The following VPS36 variants were observed in gnomAD, a reference collection of about 807,000 sequenced individuals.
VPS36 encodes the protein vacuolar protein-sorting-associated protein 36.
A neutral mutation model predicts 63.5 loss-of-function variants in VPS36; 31 were observed. That is an observed-to-expected ratio of 0.49 (90% CI 0.37 to 0.66). VPS36 has a LOEUF of 0.66. VPS36 is among the 30% of genes least tolerant of loss of function. The pLI is 0.00. For synonymous variants in VPS36, 138 were observed against 157.2 expected (o/e 0.88, Z 0.91); for missense variants, 338 against 463.7 (o/e 0.73, Z 2.49).
At chr13:52,437,959 G>C (rs1278768861) in intron 3 of VPS36, among the ~76,000 whole-genome samples, 2 of 151,646 alleles carry the variant, frequency 1.3e-5, no homozygotes, top group African/African-American at 2.4e-5. Flanking sequence ...AATAAAAAAA[G>C]CATCTTCAGA....
At chr13:52,431,517 C>T (rs892461090) in intron 6 of VPS36, among the ~76,000 whole-genome samples, 3 of 152,014 alleles carry the variant, frequency 2.0e-5, no homozygotes, top group Non-Finnish European at 1.5e-5. Flanking sequence ...GTAATCCTAG[C>T]ACTTTGGGAG....
At chr13:52,433,614 T>C (rs767330891) in intron 6 of VPS36, 48 bp downstream of exon 6, 6 of 1,435,108 alleles carry the variant, frequency 4.2e-6, no homozygotes, top group African/African-American at 2.8e-5. Flanking sequence ...TCTAAAAGAA[T>C]AGACACAAAT....
Position 52,415,019 on chromosome 13 carries a change from C to A in VPS36, c.*811G>T, listed in dbSNP as rs1171237510. 3 of 152,180 alleles carry A rather than the reference C, an allele frequency of 2.0e-5. No individual in the cohort carries two copies. The highest frequency in any genetic ancestry group is 2.9e-5 in the Non-Finnish European group (2 of 68,030). The allele number at this position is 152,180 out of a possible 1,614,324, so 9.4% of individuals were successfully genotyped here. On this transcript the variant is annotated 3_prime_UTR_variant, in exon 14 of 14. Transcript: ENST00000378060. ...AAAGGAGATATTACTTTTCCACTTT[C>A]TATTTCCTGTCTGTGGCTTTGAGGT...
intron 12 of VPS36, 49 bp downstream of exon 12, chr13:52,417,008 G>C (rs183312115): frequency 6.7e-7 from 1 of 1,499,690 alleles, no homozygotes; most frequent in African/African-American, 1.4e-5. Context: ...CTAAGCCTTC[G>C]GGTCTTCATA....
chr13:52,418,837 T>C (rs1307357252), intron 10 of VPS36, among the ~76,000 whole-genome samples: 3 of 152,222 alleles, frequency 2.0e-5, no homozygotes, highest in African/African-American at 7.2e-5. Context: ...TTGTGGACAG[T>C]GCAGCCTTAA....
chr13:52,438,653 C>T (rs1958243146), intron 3 of VPS36, among the ~76,000 whole-genome samples: 1 of 152,182 alleles, frequency 6.6e-6, no homozygotes, highest in African/African-American at 2.4e-5. Context: ...GGGATAGTCC[C>T]ATTGTATCCC....
At chr13:52,424,669 G>T (rs1239526695) in intron 9 of VPS36, among the ~76,000 whole-genome samples, 8 of 152,084 alleles carry the variant, frequency 5.3e-5, no homozygotes, top group African/African-American at 1.7e-4. Flanking sequence ...AATCCTGATT[G>T]AAACAGACCA....
At chr13:52,444,122 T>G (rs1419858422) in intron 1 of VPS36, among the ~76,000 whole-genome samples, 1 of 152,206 alleles carries the variant, frequency 6.6e-6, no homozygotes, top group Non-Finnish European at 1.5e-5. Context: ...AGTGTCCAGT[T>G]TATTAAAATA....
chr13:52,434,001 G>A (rs1958186828), intron 5 of VPS36, among the ~76,000 whole-genome samples: 1 of 152,166 alleles, frequency 6.6e-6, no homozygotes, highest in Non-Finnish European at 1.5e-5. Flanking sequence ...TTAGAGATAA[G>A]TTAAATTTCC....
At chr13:52,419,121 T>C (rs1316186190) in intron 10 of VPS36, among the ~76,000 whole-genome samples, 1 of 152,218 alleles carries the variant, frequency 6.6e-6, no homozygotes, top group Admixed American at 6.5e-5. Context: ...GCAGCTATGA[T>C]CAGCATTCAG....
chr13:52,445,419 C>G, intron 1 of VPS36, among the ~76,000 whole-genome samples: 1 of 151,786 alleles, frequency 6.6e-6, no homozygotes, highest in Non-Finnish European at 1.5e-5. Context: ...GAAGGCGGAT[C>G]ACGAGGTCAG....
At chr13:52,442,693 T>C (rs543425722) in intron 1 of VPS36, among the ~76,000 whole-genome samples, 21 of 152,284 alleles carry the variant, frequency 1.4e-4, no homozygotes, top group African/African-American at 5.1e-4. Context: ...CTGCAATGCA[T>C]GCAAAGGTTA....
Position 52,415,850 on chromosome 13 carries a change from A to C in VPS36, c.1141T>G (p.Leu381Val). Reference sequence around the variant, plus strand: ...AACCCTTAGCTCTGTGTCATAAATAAATTTGGGTAAAAACGCAGGCCTTCC... The same window carrying C: ...AACCCTTAGCTCTGTGTCATAAATACATTTGGGTAAAAACGCAGGCCTTCC... ...SVEGLRFYPN[L>V]FMTQS Residue 381 changes from leucine to valine, a missense_variant, in exon 14 of 14, where the codon TTA (leucine) becomes GTA (valine). Leu to Val is a conservative substitution (Grantham distance 32). Transcript: ENST00000378060. 3 of 1,614,142 alleles carry C rather than the reference A, an allele frequency of 1.9e-6. No homozygotes were observed. Among genetic ancestry groups the C allele is most frequent in the Non-Finnish European group, 2.5e-6 (3 of 1,180,012 alleles).
intron 5 of VPS36, 30 bp downstream of exon 5, chr13:52,434,763 T>C (rs1236145236): frequency 1.6e-5 from 25 of 1,587,930 alleles, no homozygotes; most frequent in East Asian, 8.9e-5. Flanking sequence ...GAGTTGAAAA[T>C]ACTGGATTAG....
intron 10 of VPS36, among the ~76,000 whole-genome samples, chr13:52,419,578 A>G (rs1958025293): frequency 6.6e-6 from 1 of 152,234 alleles, no homozygotes; most frequent in Admixed American, 6.5e-5. Context: ...TATGAAAAAC[A>G]GTATGGCGAT....
At position 52,424,952 on chromosome 13, in the gene VPS36, C is replaced by T. The variant is rs149011286; in HGVS notation, c.774+980G>A. ...GCAGTGAGCTGAGATTGCGCCACTG[C>T]ACTCCAGACTGGGCGACAATAGTGA... On this transcript the variant is annotated intron_variant, in intron 9 of 13. Transcript: ENST00000378060. Among the ~76,000 whole-genome samples, 884 of 151,500 alleles carry T rather than the reference C, an allele frequency of 5.8e-3. 3 individuals are homozygous for T. The highest frequency in any genetic ancestry group is 0.02 in the African/African-American group (820 of 41,224).
At chr13:52,438,189 C>CA (rs1385312774) in intron 3 of VPS36, among the ~76,000 whole-genome samples, 1 of 151,746 alleles carries the variant, frequency 6.6e-6, no homozygotes, top group Non-Finnish European at 1.5e-5. Context: ...AAGGAAAATT[C>CA]AGATAACCTG....
chr13:52,417,973 C>A lies in VPS36; in HGVS notation c.905+19G>T. The A allele has an allele frequency of 6.2e-7, 1 of 1,609,916 alleles. No individual in the cohort carries two copies. Among genetic ancestry groups the A allele is most frequent in the Non-Finnish European group, 8.5e-7 (1 of 1,178,184 alleles). On this transcript the variant is annotated intron_variant, in intron 11 of 13. Coordinates refer to ENST00000378060, the MANE Select transcript of VPS36 (RefSeq NM_016075.4). ...AATCATGGTTGCAGGTGGCAAACTT[C>A]CTGCAGAGGTTCCTTTACCTGAGAG... is the stretch of plus-strand genomic sequence containing the variant.
intron 10 of VPS36, among the ~76,000 whole-genome samples, chr13:52,420,999 T>C (rs2137775030): frequency 6.6e-6 from 1 of 152,222 alleles, no homozygotes; most frequent in South Asian, 2.1e-4. Context: ...CACACGGCTG[T>C]AATCCCAGCT....
Sources: allele counts gnomAD v4.1 joint callset (sites outside exome capture counted in the v4.1 genomes callset), GRCh38; gene constraint gnomAD v4.1.1; transcripts MANE v1.5; gene names NCBI Gene and HGNC (gene_info 2026-07-23, HGNC 2026-07-21).